Variants in UNC13B observed in about 807,000 individuals in gnomAD.
UNC13B encodes unc-13 homolog B, also known as protein unc-13 homolog B.
In UNC13B, 144 loss-of-function variants were observed where a neutral mutation model predicts 211.0. The observed-to-expected ratio is 0.68, with a 90% CI of 0.60 to 0.78. The LOEUF is 0.78. UNC13B is among the 30% of genes least tolerant of loss of function. The pLI, the probability that UNC13B is intolerant of heterozygous loss-of-function variation, is 0.00. For missense variants in UNC13B, 1,777 were observed against 2,002.0 expected (o/e 0.89, Z 2.14); for synonymous variants, 709 against 725.8 (o/e 0.98, Z 0.37).
intron 26 of UNC13B, 70 bp from the exon 27 acceptor site, chr9:35,396,406 G>T (rs1375325366): frequency 6.3e-7 from 1 of 1,598,260 alleles, no homozygotes; most frequent in African/African-American, 1.3e-5. Context: ...CAGATCTGCT[G>T]CCTTGGGAAG....
intron 1 of UNC13B, among the ~76,000 whole-genome samples, chr9:35,183,150 C>T (rs1177482619): frequency 6.9e-6 from 1 of 144,602 alleles, no homozygotes; most frequent in Admixed American, 6.9e-5. Flanking sequence ...AGAGGCGCTC[C>T]CCACCTCCCA....
At chr9:35,375,986 A>C (rs756132888) in intron 14 of UNC13B, 42 bp from the exon 15 acceptor site, 2 of 1,607,606 alleles carry the variant, frequency 1.2e-6, no homozygotes, top group African/African-American at 2.7e-5. Context: ...TCTCAAAACA[A>C]ACAAAAAACA....
At chr9:35,315,134 C>T (rs1448650014) in intron 11 of UNC13B, among the ~76,000 whole-genome samples, 2 of 150,578 alleles carry the variant, frequency 1.3e-5, no homozygotes, top group African/African-American at 4.9e-5. Flanking sequence ...TGAAGTGATC[C>T]TCCCACTTTG....
intron 11 of UNC13B, among the ~76,000 whole-genome samples, chr9:35,342,813 A>G (rs1832089331): frequency 6.6e-6 from 1 of 152,088 alleles, no homozygotes; most frequent in South Asian, 2.1e-4. Flanking sequence ...TTCATCTCCT[A>G]TGTGTATGCA....
At chr9:35,251,542 A>G (rs1423932281) in intron 6 of UNC13B, among the ~76,000 whole-genome samples, 1 of 152,130 alleles carries the variant, frequency 6.6e-6, no homozygotes, top group Non-Finnish European at 1.5e-5. Flanking sequence ...AGCCGAGATC[A>G]CATCACTGCA....
chr9:35,291,070 T>A, intron 7 of UNC13B: 1 of 1,550,384 alleles, frequency 6.5e-7, no homozygotes, highest in Non-Finnish European at 8.7e-7. Context: ...TTTTCTTAGG[T>A]CACTGGACCT....
At position 35,396,496 on chromosome 9, in the gene UNC13B, T is replaced by C. The variant is rs1324191467; in HGVS notation, c.11329T>C (p.Cys3777Arg). ...ALEEHEKDHLCKSADYMNLHF... is the reference protein window; with the variant it reads ...ALEEHEKDHLRKSADYMNLHF... ...ACTAGAGCATGAGAAAGACCACCTGTGTAAAAGTGCTGACTACATGAACCT... is the reference window on the plus strand; with the variant it reads ...ACTAGAGCATGAGAAAGACCACCTGCGTAAAAGTGCTGACTACATGAACCT... The change falls in exon 27 of 40, where the codon TGT becomes CGT. Residue 3777 changes from cysteine to arginine, a missense_variant. Coordinates refer to ENST00000635942, the MANE Select transcript of UNC13B (RefSeq NM_001371189.2). 6.2e-7 allele frequency: 1 copy of C among 1,614,048 alleles called. No homozygotes were observed. Among genetic ancestry groups the C allele is most frequent in the Non-Finnish European group, 8.5e-7 (1 of 1,179,988 alleles).
Position 35,378,364 on chromosome 9 carries a change from T to TTTTG in UNC13B, c.10133_10134insTTTG (p.Ser3379LeufsTer5). ...AGTGACCCTTACGTGACTGTGCAAG[T>TTTTG]CAGCAAAACTAAGAAGCGTACCAAG... On this transcript the variant is annotated frameshift_variant, in exon 17 of 40. Transcript: ENST00000635942. LOFTEE classifies it high-confidence loss of function. 1 of 1,614,140 alleles carries TTTTG rather than the reference T, an allele frequency of 6.2e-7. No homozygotes were observed. Among genetic ancestry groups the TTTTG allele is most frequent in the South Asian group, 1.1e-5 (1 of 91,078 alleles).
intron 1 of UNC13B, among the ~76,000 whole-genome samples, chr9:35,226,681 A>T (rs1231994798): frequency 6.6e-6 from 1 of 152,190 alleles, no homozygotes; most frequent in Non-Finnish European, 1.5e-5. Flanking sequence ...AGAAAGATGG[A>T]GGCCAGAGGA....
chr9:35,192,368 A>G (rs767647065), intron 1 of UNC13B, among the ~76,000 whole-genome samples: 1 of 152,150 alleles, frequency 6.6e-6, no homozygotes, highest in African/African-American at 2.4e-5. Context: ...TAGGAGACAT[A>G]TTGTACATTT....
chr9:35,342,367 G>GAC (rs1447423147), intron 11 of UNC13B: 1 of 985,452 alleles, frequency 1.0e-6, no homozygotes, highest in Non-Finnish European at 1.2e-6. Flanking sequence ...GAGTGTGTAT[G>GAC]ACTGACTGAA....
intron 11 of UNC13B, among the ~76,000 whole-genome samples, chr9:35,319,898 C>T (rs1233843492): frequency 6.6e-6 from 1 of 152,072 alleles, no homozygotes; most frequent in Non-Finnish European, 1.5e-5. Flanking sequence ...TGGCCTCAAG[C>T]AATCCTCTTG....
chr9:35,302,572 A>C lies in UNC13B; in HGVS notation c.3168A>C (p.Lys1056Asn), dbSNP rs1829739098. The change falls in exon 9 of 40, where the codon AAA becomes AAC. Residue 1056 changes from lysine to asparagine, a missense_variant. Transcript: ENST00000635942. ...CAAATATTAATAATGATCTGGGGAA[A>C]TTTGGGAATATAGAGGAATTAAATC... ...SVTNINNDLG[K>N]FGNIEELNPS... 1 of 398,534 alleles carries C rather than the reference A, an allele frequency of 2.5e-6. No individual in the cohort carries two copies. Among genetic ancestry groups the C allele is most frequent in the African/African-American group, 2.1e-5 (1 of 48,630 alleles). The allele number at this position is 398,534 out of a possible 1,614,324, so 24.7% of individuals were successfully genotyped here. A position where few individuals can be genotyped will look rare whatever the true frequency, so the allele number is the denominator to read the frequency against.
chr9:35,162,367 A>G (rs1820826741), intron 1 of UNC13B, 62 bp downstream of exon 1: 1 of 1,478,248 alleles, frequency 6.8e-7, no homozygotes, highest in Non-Finnish European at 9.0e-7. Flanking sequence ...GCACCCTTCC[A>G]GTGGACGTCC....
At chr9:35,181,925 G>A (rs561085747) in intron 1 of UNC13B, among the ~76,000 whole-genome samples, 2 of 152,240 alleles carry the variant, frequency 1.3e-5, no homozygotes, top group East Asian at 3.9e-4. Flanking sequence ...TGAGTCTTTG[G>A]AGAGATTGAT....
At chr9:35,226,518 G>A (rs771690044) in intron 1 of UNC13B, among the ~76,000 whole-genome samples, 16 of 152,304 alleles carry the variant, frequency 1.1e-4, no homozygotes, top group Admixed American at 2.6e-4. Context: ...AAGCCAGTCC[G>A]AGTCCCAAAA....
At chr9:35,315,043 A>G (rs1830380294) in intron 11 of UNC13B, among the ~76,000 whole-genome samples, 1 of 147,276 alleles carries the variant, frequency 6.8e-6, no homozygotes, top group Non-Finnish European at 1.5e-5. Context: ...TGCCTGGCTA[A>G]TTTAAAAAAA....
chr9:35,218,775 G>A (rs1824402454), intron 1 of UNC13B, among the ~76,000 whole-genome samples: 1 of 151,146 alleles, frequency 6.6e-6, no homozygotes, highest in African/African-American at 2.4e-5. Context: ...TTGAGATGGA[G>A]TTTCGCTCTT....
At chr9:35,191,892 T>C (rs1173491993) in intron 1 of UNC13B, among the ~76,000 whole-genome samples, 2 of 152,232 alleles carry the variant, frequency 1.3e-5, no homozygotes, top group African/African-American at 2.4e-5. Context: ...TAAGGTACCC[T>C]TTCTTTCCAC....
Sources: allele counts gnomAD v4.1 joint callset (sites outside exome capture counted in the v4.1 genomes callset), GRCh38; gene constraint gnomAD v4.1.1; transcripts MANE v1.5; gene names NCBI Gene and HGNC (gene_info 2026-07-23, HGNC 2026-07-21).